The following TANC2 variants were observed in gnomAD, a reference collection of about 807,000 sequenced individuals.
TANC2 encodes tetratricopeptide repeat, ankyrin repeat and coiled-coil containing 2, also known as protein TANC2.
In TANC2, 26 loss-of-function variants were observed where a neutral mutation model predicts 210.5. The observed-to-expected ratio is 0.12, with a 90% confidence interval of 0.09 to 0.17. The LOEUF is 0.17. TANC2 is among the 10% of genes least tolerant of loss of function. The pLI, the probability that TANC2 is intolerant of heterozygous loss-of-function variation, is 1.00. For synonymous variants in TANC2, 931 were observed against 967.1 expected, an observed-to-expected ratio of 0.96 and a Z score of 0.69; for missense variants, 2,129 against 2,608.9, an observed-to-expected ratio of 0.82 and a Z score of 4.01.
chr17:63,266,995 G>T (rs147305920), intron 8 of TANC2, among the ~76,000 whole-genome samples: 2 of 151,860 alleles, frequency 1.3e-5, no homozygotes, highest in Non-Finnish European at 2.9e-5. Context: ...GACTACAGGC[G>T]CACACCACCA....
At chr17:62,978,045 A>G (rs2032110667) in intron 1 of TANC2, among the ~76,000 whole-genome samples, 3 of 152,216 alleles carry the variant, frequency 2.0e-5, no homozygotes, top group Admixed American at 6.5e-5. Context: ...TAAAAGCTGA[A>G]TAATATTTTA....
At chr17:63,143,444 G>A (rs2039357703) in intron 4 of TANC2, among the ~76,000 whole-genome samples, 1 of 152,074 alleles carries the variant, frequency 6.6e-6, no homozygotes, top group Non-Finnish European at 1.5e-5. Flanking sequence ...AGAGCTTTTA[G>A]CAATATTTGC....
intron 4 of TANC2, among the ~76,000 whole-genome samples, chr17:63,132,386 T>A (rs139402981): frequency 1.3e-5 from 2 of 152,280 alleles, no homozygotes; most frequent in African/African-American, 4.8e-5. Context: ...ACTTTTTAAG[T>A]ATTTATAGAA....
At chr17:63,344,965 G>T (rs2046352318) in intron 12 of TANC2, among the ~76,000 whole-genome samples, 1 of 152,148 alleles carries the variant, frequency 6.6e-6, no homozygotes, top group Non-Finnish European at 1.5e-5. Context: ...AGTTCACCAT[G>T]CTGCAAAGCA....
At position 63,192,885 on chromosome 17, in the gene TANC2, G is replaced by A. The variant is rs150104312; in HGVS notation, c.434-1106G>A. On this transcript the variant is annotated intron_variant, in intron 5 of 27. Transcript: ENST00000689528. ...TTTCAAAGTCAATGACTATATCTCC[G>A]TGTTGTATAAATTCTCGTATCTGTT... Among the ~76,000 whole-genome samples, 300 of 152,156 alleles carry A rather than the reference G, an allele frequency of 2.0e-3. 4 individuals carry two copies. In the East Asian group the frequency reaches 0.048, roughly 24 times the overall value.
At chr17:63,278,292 C>G (rs922476783) in intron 9 of TANC2, among the ~76,000 whole-genome samples, 7 of 152,032 alleles carry the variant, frequency 4.6e-5, no homozygotes, top group African/African-American at 1.7e-4. Context: ...AGCAACAAAA[C>G]AATGTTTAAA....
chr17:63,335,273 CCAAAATGAGAGTCATT>C (rs1349249484), intron 11 of TANC2, among the ~76,000 whole-genome samples: 14 of 152,070 alleles, frequency 9.2e-5, no homozygotes, highest in Middle Eastern at 6.8e-3. Context: ...TCAGACAAAC[CCAAAATGAGAGTCATT>C]CAACAAAATA....
At chr17:63,362,055 G>T (rs892361778) in intron 14 of TANC2, among the ~76,000 whole-genome samples, 1 of 152,192 alleles carries the variant, frequency 6.6e-6, no homozygotes, top group Non-Finnish European at 1.5e-5. Context: ...CCTCAGCAGA[G>T]AGGAGACCTG....
chr17:63,208,721 G>T (rs534927182), intron 7 of TANC2, among the ~76,000 whole-genome samples: 2 of 151,834 alleles, frequency 1.3e-5, no homozygotes, highest in African/African-American at 2.4e-5. Context: ...TTTCAATAGG[G>T]TCTGGTATAT....
At chr17:63,035,702 G>A (rs974753121) in intron 2 of TANC2, among the ~76,000 whole-genome samples, 1 of 152,090 alleles carries the variant, frequency 6.6e-6, no homozygotes, top group African/African-American at 2.4e-5. Flanking sequence ...ATAAGTTTTC[G>A]TATCTGTAGG....
intron 26 of TANC2, among the ~76,000 whole-genome samples, chr17:63,416,221 A>G (rs1054547413): frequency 1.3e-5 from 2 of 152,054 alleles, no homozygotes; most frequent in African/African-American, 2.4e-5. Flanking sequence ...CTGGACCTTT[A>G]TCGTCTCCCT....
intron 4 of TANC2, among the ~76,000 whole-genome samples, chr17:63,114,070 G>A (rs1241331110): frequency 6.6e-6 from 1 of 152,186 alleles, no homozygotes; most frequent in East Asian, 1.9e-4. Context: ...TTTGATATGT[G>A]TATCTTATGG....
At chr17:63,407,176 A>C (rs1217323082) in intron 21 of TANC2, among the ~76,000 whole-genome samples, 1 of 152,226 alleles carries the variant, frequency 6.6e-6, no homozygotes, top group African/African-American at 2.4e-5. Flanking sequence ...CTGGATCTTT[A>C]GCTGTATCCC....
chr17:63,330,728 G>T (rs938386858), intron 11 of TANC2, among the ~76,000 whole-genome samples: 1 of 152,184 alleles, frequency 6.6e-6, no homozygotes, highest in Non-Finnish European at 1.5e-5. Flanking sequence ...GCCACAACAA[G>T]AGCCTCTAGC....
chr17:62,982,003 A>C (rs1244662844), intron 1 of TANC2, among the ~76,000 whole-genome samples: 3 of 152,216 alleles, frequency 2.0e-5, no homozygotes, highest in Non-Finnish European at 4.4e-5. Flanking sequence ...CACAGTGTCC[A>C]CAATCTTCTG....
intron 1 of TANC2, among the ~76,000 whole-genome samples, chr17:63,003,186 T>A (rs1361421321): frequency 6.6e-6 from 1 of 152,242 alleles, no homozygotes. Context: ...TAGCTAATTA[T>A]AATTTGTATT....
intron 2 of TANC2, among the ~76,000 whole-genome samples, chr17:63,019,379 G>A (rs1439748175): frequency 6.6e-6 from 1 of 151,732 alleles, no homozygotes; most frequent in Non-Finnish European, 1.5e-5. Context: ...CATCACCCCT[G>A]GCTAATTTTT....
At chr17:63,079,054 C>T (rs1026730097) in intron 3 of TANC2, among the ~76,000 whole-genome samples, 2 of 152,124 alleles carry the variant, frequency 1.3e-5, no homozygotes, top group Non-Finnish European at 2.9e-5. Context: ...ACCACTGGTC[C>T]TCTGATAAGA....
At chr17:63,210,084 T>G (rs1518774) in intron 7 of TANC2, among the ~76,000 whole-genome samples, 88,884 of 152,004 alleles carry the variant, frequency 0.58, 27,987 homozygotes, top group African/African-American at 0.82. Context: ...GTGCTTGAAA[T>G]TCTCCTCTCT....
Sources: allele counts gnomAD v4.1 joint callset (sites outside exome capture counted in the v4.1 genomes callset), GRCh38; gene constraint gnomAD v4.1.1; transcripts MANE v1.5; gene names NCBI Gene and HGNC (gene_info 2026-07-23, HGNC 2026-07-21).